PID1: variants seen among roughly 807,000 people sequenced by gnomAD.
The protein encoded by PID1 is phosphotyrosine interaction domain containing 1.
Under a neutral mutation model 19.1 loss-of-function variants are expected in PID1, and 10 were observed. The observed-to-expected ratio is 0.52, with a 90% CI of 0.32 to 0.89. PID1 has a LOEUF of 0.89. Ranked by LOEUF, PID1 falls within the 40% of genes least tolerant of loss-of-function variation. PID1 has a pLI of 0.03. For missense variants in PID1, 248 were observed against 285.3 expected (o/e 0.87, Z 0.94); for synonymous variants, 130 against 116.0 (o/e 1.12, Z -0.78).
intron 2 of PID1, among the ~76,000 whole-genome samples, chr2:229,094,819 A>G (rs535060905): frequency 1.3e-5 from 2 of 152,262 alleles, no homozygotes; most frequent in South Asian, 2.1e-4. Flanking sequence ...CAAAGGCCTA[A>G]TATCTACAAG....
At chr2:229,059,710 C>T (rs1694173793) in intron 2 of PID1, among the ~76,000 whole-genome samples, 1 of 152,144 alleles carries the variant, frequency 6.6e-6, no homozygotes, top group Non-Finnish European at 1.5e-5. Flanking sequence ...CATGAGAATT[C>T]TAGCAAATAT....
intron 2 of PID1, among the ~76,000 whole-genome samples, chr2:229,124,589 C>T (rs1203403987): frequency 6.6e-6 from 1 of 152,078 alleles, no homozygotes; most frequent in East Asian, 1.9e-4. Context: ...CTTTATTCTA[C>T]TCAACAGACC....
chr2:229,221,713 C>T (rs1691973176), intron 1 of PID1, among the ~76,000 whole-genome samples: 1 of 152,182 alleles, frequency 6.6e-6, no homozygotes, highest in Admixed American at 6.5e-5. Context: ...AAGGAAAAGA[C>T]CTATATTCCA....
chr2:229,230,580 C>A (rs1692184010), intron 1 of PID1, among the ~76,000 whole-genome samples: 1 of 152,298 alleles, frequency 6.6e-6, no homozygotes, highest in South Asian at 2.1e-4. Context: ...GGATTTTCAA[C>A]ATTTGTTTCA....
At chr2:229,115,973 C>G (rs1381082202) in intron 2 of PID1, among the ~76,000 whole-genome samples, 1 of 152,060 alleles carries the variant, frequency 6.6e-6, no homozygotes. Context: ...AAGATCCCAG[C>G]ACTTTGGGAG....
At chr2:229,085,837 C>T (rs1376830334) in intron 2 of PID1, among the ~76,000 whole-genome samples, 2 of 152,038 alleles carry the variant, frequency 1.3e-5, no homozygotes, top group African/African-American at 4.8e-5. Context: ...ATGAGACAAA[C>T]TTGAAACTGC....
intron 2 of PID1, among the ~76,000 whole-genome samples, chr2:229,077,798 T>C (rs1314023507): frequency 6.6e-6 from 1 of 152,232 alleles, no homozygotes; most frequent in African/African-American, 2.4e-5. Flanking sequence ...CCTTGTAGTA[T>C]AGTTTGAAGT....
chr2:229,029,515 C>T (rs554089013), intron 2 of PID1, among the ~76,000 whole-genome samples: 2 of 151,934 alleles, frequency 1.3e-5, no homozygotes, highest in Non-Finnish European at 2.9e-5. Flanking sequence ...AATTTCTATA[C>T]CATGTAGAAA....
intron 2 of PID1, among the ~76,000 whole-genome samples, chr2:229,109,961 C>A (rs1695263505): frequency 6.6e-6 from 1 of 152,132 alleles, no homozygotes; most frequent in African/African-American, 2.4e-5. Flanking sequence ...AAAGAGGACT[C>A]CAATTAGTTA....
intron 1 of PID1, among the ~76,000 whole-genome samples, chr2:229,203,213 T>C (rs1231564143): frequency 6.6e-6 from 1 of 152,064 alleles, no homozygotes; most frequent in Non-Finnish European, 1.5e-5. Flanking sequence ...ATTCCTGATA[T>C]AGACGGTAGG....
intron 2 of PID1, among the ~76,000 whole-genome samples, chr2:229,121,313 G>C (rs1354650924): frequency 2.0e-5 from 3 of 152,058 alleles, no homozygotes; most frequent in Admixed American, 6.5e-5. Flanking sequence ...TTTATATCTG[G>C]CTTATAATTA....
intron 2 of PID1, among the ~76,000 whole-genome samples, chr2:229,036,739 C>G (rs1693671666): frequency 6.6e-6 from 1 of 152,092 alleles, no homozygotes; most frequent in African/African-American, 2.4e-5. Context: ...CAGAGCTAGA[C>G]TCCAGCTCAA....
chr2:229,260,816 C>CTTTTTTTTTTTTT (rs1319033110), intron 1 of PID1, among the ~76,000 whole-genome samples: 4 of 121,184 alleles, frequency 3.3e-5, no homozygotes, highest in Non-Finnish European at 3.4e-5. Context: ...TTCTGATTGC[C>CTTTTTTTTTTTTT]ATTTTTTTTT....
intron 1 of PID1, among the ~76,000 whole-genome samples, chr2:229,173,515 A>G (rs1034647065): frequency 6.6e-6 from 1 of 152,214 alleles, no homozygotes; most frequent in Non-Finnish European, 1.5e-5. Context: ...CCATCTATTC[A>G]TTAATCTTCT....
intron 1 of PID1, among the ~76,000 whole-genome samples, chr2:229,250,349 G>A (rs1690117373): frequency 1.3e-5 from 2 of 152,132 alleles, no homozygotes; most frequent in Non-Finnish European, 2.9e-5. Flanking sequence ...CATGCCATTG[G>A]ACAAAATGCT....
At chr2:229,043,186 A>G (rs1693808241) in intron 2 of PID1, among the ~76,000 whole-genome samples, 1 of 152,000 alleles carries the variant, frequency 6.6e-6, no homozygotes. Flanking sequence ...TTGTATTTTT[A>G]GTAGGGACGA....
chr2:229,224,786 T>C (rs969248826), intron 1 of PID1, among the ~76,000 whole-genome samples: 1 of 151,636 alleles, frequency 6.6e-6, no homozygotes, highest in Non-Finnish European at 1.5e-5. Context: ...TGCCAGCATT[T>C]TCTAATTAGC....
At chr2:229,219,917 G>A (rs1475733716) in intron 1 of PID1, among the ~76,000 whole-genome samples, 2 of 152,100 alleles carry the variant, frequency 1.3e-5, no homozygotes, top group African/African-American at 4.8e-5. Flanking sequence ...CTAGTAAATG[G>A]TTGAAGAGGG....
intron 2 of PID1, among the ~76,000 whole-genome samples, chr2:229,079,802 A>C (rs936239010): frequency 3.9e-5 from 6 of 152,204 alleles, no homozygotes; most frequent in African/African-American, 1.4e-4. Flanking sequence ...GGCTGAATCT[A>C]TCCAGTAATT....
Sources: gnomAD v4.1 joint callset for allele counts (sites outside exome capture counted in the v4.1 genomes callset) on GRCh38, gnomAD v4.1.1 for gene constraint, MANE v1.5 for transcripts, NCBI Gene and HGNC (gene_info 2026-07-23, HGNC 2026-07-21) for gene names.